The following RTTN variants were observed in gnomAD, a reference collection of about 807,000 sequenced individuals.
RTTN encodes the protein rotatin.
RTTN carries 182 observed loss-of-function variants against 269.2 expected under a neutral mutation model. The ratio of observed to expected loss-of-function variants is 0.68; its 90% CI spans 0.60 to 0.76. The LOEUF (loss-of-function observed/expected upper bound fraction) is 0.76, where lower values mean the gene tolerates loss of function less well. Among genes scored for constraint, RTTN ranks in the 30% least tolerant of loss-of-function variants. The pLI, the probability that RTTN is intolerant of heterozygous loss-of-function variation, is 0.00. For synonymous variants in RTTN, 1,006 were observed against 963.5 expected, an observed-to-expected ratio of 1.04 and a Z score of -0.82; for missense variants, 2,545 against 2,608.6, an observed-to-expected ratio of 0.98 and a Z score of 0.53.
At chr18:70,028,968 T>A (rs1218510723) in intron 42 of RTTN, among the ~76,000 whole-genome samples, 167 bp from the exon 43 acceptor site, 1 of 152,170 alleles carries the variant, frequency 6.6e-6, no homozygotes, top group Non-Finnish European at 1.5e-5. Context: ...CTCTGAAAGA[T>A]GACCATATCT....
rs2145792047 is a variant in RTTN at position 70,150,148 on chromosome 18, C to T, written c.2056-61G>A. The T allele has an allele frequency of 4.1e-6, 4 of 968,320 alleles. No homozygotes were observed. The East Asian group carries it at 9.7e-5, about 23-fold the overall frequency. The allele number at this position is 968,320 out of a possible 1,614,324, so 60.0% of individuals were successfully genotyped here. On this transcript the variant is annotated intron_variant, in intron 15 of 48. Transcript: ENST00000640769. Reference sequence around the variant, plus strand: ...TGAGATGTCCCGCTAGGTCACCTGACACACCTGGAACATTTTATAGCATGT... The same window carrying T: ...TGAGATGTCCCGCTAGGTCACCTGATACACCTGGAACATTTTATAGCATGT...
intron 34 of RTTN, among the ~76,000 whole-genome samples, chr18:70,068,772 G>A (rs1404909116): frequency 6.6e-6 from 1 of 152,174 alleles, no homozygotes; most frequent in East Asian, 1.9e-4. Flanking sequence ...TGGTCTAAGT[G>A]CAAAATCACA....
In RTTN at chr18:70,006,380, C is replaced by A. The variant is rs1317381283; in HGVS notation, c.6525+1G>T. The A allele has an allele frequency of 6.2e-7, 1 of 1,609,858 alleles. No individual in the cohort carries two copies. Among genetic ancestry groups the A allele is most frequent in the Non-Finnish European group, 8.5e-7 (1 of 1,176,146 alleles). ...GTGTAACAATGATTTTTAAAACTGA[C>A]CTTCTGATAATTGTAAATCAGAGCC... On this transcript the variant is annotated splice_donor_variant, in intron 47 of 48. Transcript: ENST00000640769. LOFTEE classifies it high-confidence loss of function.
At position 70,004,196 on chromosome 18, in the gene RTTN, A is replaced by G. The variant is rs35558429; in HGVS notation, c.6636T>C (p.Tyr2212=). 8.7e-4 allele frequency: 1,410 copies of G among 1,613,888 alleles called. 15 individuals carry two copies. In the African/African-American group the frequency reaches 0.016, roughly 18 times the overall value. Reference sequence around the variant, plus strand: ...GCACGAGGTTTTCAAGACATTTCAAATAATAGGCATTTAGAGGGTTTGCTT... The same window carrying G: ...GCACGAGGTTTTCAAGACATTTCAAGTAATAGGCATTTAGAGGGTTTGCTT... ...NSEANPLNAY[Y]LKCLENLVQL... is the part of the protein sequence containing the mutation. The change falls in exon 49 of 49, where the codon TAT becomes TAC. Residue 2212 remains tyrosine (Y), a synonymous_variant. Coordinates refer to ENST00000640769, the MANE Select transcript of RTTN (RefSeq NM_173630.4).
At position 70,017,537 on chromosome 18, in the gene RTTN, C is replaced by G. The variant is rs1444801001; in HGVS notation, c.6291G>C (p.Arg2097Ser). The change falls in exon 46 of 49, where the codon AGG becomes AGC. Residue 2097 changes from arginine (R) to serine (S), a missense_variant. Transcript: ENST00000640769. ...SGEDGQQMIL[R>S]LDGCLDLLTE... is the part of the protein sequence containing the mutation. ...TTAGTAAGTCTAGACAGCCATCAAGCCTCAGAATCATTTGTTGCCCATCTT... is the reference window on the plus strand; with the variant it reads ...TTAGTAAGTCTAGACAGCCATCAAGGCTCAGAATCATTTGTTGCCCATCTT... 2 of 1,613,902 alleles carry G rather than the reference C, an allele frequency of 1.2e-6. No homozygotes were observed. The highest frequency in any genetic ancestry group is 1.3e-5 in the African/African-American group (1 of 74,894).
In RTTN at chr18:70,109,630, G is replaced by A. The variant is rs1180264236; in HGVS notation, c.3771C>T (p.Phe1257=). 8 of 1,614,118 alleles carry A rather than the reference G, an allele frequency of 5.0e-6. No individual in the cohort carries two copies. The East Asian group carries it at 1.8e-4, about 36-fold the overall frequency. The change falls in exon 28 of 49, where the codon TTC becomes TTT. Residue 1257 remains phenylalanine, a synonymous_variant. Coordinates refer to ENST00000640769, the MANE Select transcript of RTTN (RefSeq NM_173630.4). ...QCLKVTDAPH[F]YGLPSLERTL... is the part of the protein sequence containing the mutation. ...TCCGCTCAAGGGACGGCAGGCCATA[G>A]AAATGAGGCGCATCCGTCACTTTCA... is the stretch of plus-strand genomic sequence containing the variant.
intron 14 of RTTN, among the ~76,000 whole-genome samples, chr18:70,159,427 C>T (rs1162577438): frequency 6.6e-6 from 1 of 152,046 alleles, no homozygotes; most frequent in East Asian, 1.9e-4. Context: ...ATCTTTAGAA[C>T]ACAGCTAAGG....
chr18:70,018,861 T>C (rs1302481047), intron 45 of RTTN, among the ~76,000 whole-genome samples: 3 of 123,518 alleles, frequency 2.4e-5, no homozygotes, highest in Non-Finnish European at 5.0e-5. Flanking sequence ...TTGCTGCTTC[T>C]AAAGATGTTT....
At chr18:70,201,374 G>A (rs961338980) in intron 4 of RTTN, among the ~76,000 whole-genome samples, 11 of 151,740 alleles carry the variant, frequency 7.2e-5, no homozygotes, top group African/African-American at 1.5e-4. Flanking sequence ...AGGCCGAGGC[G>A]GGCGGATCAC....
intron 8 of RTTN, among the ~76,000 whole-genome samples, chr18:70,192,440 C>T (rs995131527): frequency 3.3e-5 from 5 of 152,018 alleles, no homozygotes; most frequent in Non-Finnish European, 5.9e-5. Flanking sequence ...CAGCACTTTA[C>T]GAGGCCAAGA....
chr18:70,041,282 G>A (rs916363379), intron 40 of RTTN, among the ~76,000 whole-genome samples: 1 of 151,752 alleles, frequency 6.6e-6, no homozygotes, highest in Admixed American at 6.6e-5. Flanking sequence ...TTGGGAGCAG[G>A]GTTGGGTCGG....
intron 45 of RTTN, among the ~76,000 whole-genome samples, chr18:70,018,911 T>C (rs564339908): frequency 2.7e-5 from 4 of 147,066 alleles, no homozygotes; most frequent in Non-Finnish European, 3.0e-5. Flanking sequence ...TGTAGAGATG[T>C]ATACCATGGT....
chr18:70,098,783 T>C (rs917615462), intron 28 of RTTN, among the ~76,000 whole-genome samples: 2 of 152,174 alleles, frequency 1.3e-5, no homozygotes, highest in African/African-American at 4.8e-5. Flanking sequence ...CCTGATGCTA[T>C]CCCTCCACCC....
intron 34 of RTTN, among the ~76,000 whole-genome samples, chr18:70,073,559 T>C (rs1331470200): frequency 1.3e-5 from 2 of 151,982 alleles, no homozygotes; most frequent in Admixed American, 6.6e-5. Context: ...TCAAAAAAGG[T>C]AGGAAAGAGA....
intron 28 of RTTN, among the ~76,000 whole-genome samples, chr18:70,104,930 G>A (rs2059281864): frequency 6.6e-6 from 1 of 152,210 alleles, no homozygotes; most frequent in Admixed American, 6.5e-5. Context: ...CTCCCAGTTA[G>A]GCTACTCGGG....
At chr18:70,182,135 TA>T (rs1417940038) in intron 10 of RTTN, among the ~76,000 whole-genome samples, 1 of 152,258 alleles carries the variant, frequency 6.6e-6, no homozygotes, top group East Asian at 1.9e-4. Context: ...CCTTAAGGAC[TA>T]AAGAAAAACC....
intron 1 of RTTN, 146 bp downstream of exon 1, chr18:70,205,482 T>C (rs1476562134): frequency 7.5e-6 from 10 of 1,324,568 alleles, no homozygotes; most frequent in South Asian, 2.4e-5. Context: ...AAGTCCGAGA[T>C]GGGTCCCCGG....
chr18:70,186,061 C>T (rs2061536958), intron 10 of RTTN, among the ~76,000 whole-genome samples: 1 of 144,372 alleles, frequency 6.9e-6, no homozygotes, highest in South Asian at 2.2e-4. Context: ...GCACATCTAT[C>T]AGAATGCCCT....
chr18:70,142,202 T>C, intron 19 of RTTN, 86 bp downstream of exon 19: 1 of 834,136 alleles, frequency 1.2e-6, no homozygotes, highest in Non-Finnish European at 2.0e-6. Context: ...GCATAAACCA[T>C]AGTTGCCAAC....
Sources: gnomAD v4.1 joint callset for allele counts (sites outside exome capture counted in the v4.1 genomes callset) on GRCh38, gnomAD v4.1.1 for gene constraint, MANE v1.5 for transcripts, NCBI Gene and HGNC (gene_info 2026-07-23, HGNC 2026-07-21) for gene names.